Variants in RPS5 observed in about 807,000 individuals in gnomAD.
The protein encoded by RPS5 is small ribosomal subunit protein uS7.
RPS5 carries 2 observed loss-of-function variants against 20.9 expected under a neutral mutation model. That is an observed-to-expected ratio of 0.10 (90% CI 0.04 to 0.30). The LOEUF (loss-of-function observed/expected upper bound fraction) is 0.30, where lower values mean the gene tolerates loss of function less well. RPS5 is among the 10% of genes least tolerant of loss of function. The probability of loss-of-function intolerance (pLI) is 1.00; values close to 1 mark genes in which losing one functional copy is unlikely to be tolerated. For synonymous variants in RPS5, 112 were observed against 105.8 expected, an observed-to-expected ratio of 1.06 and a Z score of -0.36; for missense variants, 122 against 287.2, an observed-to-expected ratio of 0.42 and a Z score of 4.16.
rs544353805 is a variant in RPS5 at position 58,390,263 on chromosome 19, G to A, written c.108+2018G>A. Among the ~76,000 whole-genome samples, 20 of 149,664 alleles carry A rather than the reference G, an allele frequency of 1.3e-4. 1 individual carries two copies. In the South Asian group the frequency reaches 1.9e-3, roughly 14 times the overall value. ...GGCTGGAGTGCAGTGGTGCGATCTC[G>A]GCTCACTGCAACCTCTGCCTCCCCA... On this transcript the variant is annotated intron_variant, in intron 2 of 5. Transcript: ENST00000196551.
At chr19:58,389,569 C>T (rs988473375) in intron 2 of RPS5, among the ~76,000 whole-genome samples, 10 of 151,642 alleles carry the variant, frequency 6.6e-5, no homozygotes, top group Non-Finnish European at 1.2e-4. Flanking sequence ...CTTTTCTTTC[C>T]TTCAGGGGTT....
chr19:58,392,559 A>G (rs2052370648), intron 2 of RPS5, among the ~76,000 whole-genome samples: 2 of 151,722 alleles, frequency 1.3e-5, no homozygotes, highest in Admixed American at 1.3e-4. Context: ...TCGGAGTCGT[A>G]GGTTGCAGTG....
At chr19:58,387,951 A>G in intron 1 of RPS5, 186 bp from the exon 2 acceptor site, 1 of 592,384 alleles carries the variant, frequency 1.7e-6, no homozygotes, top group Admixed American at 2.9e-5. Flanking sequence ...TGAAAGACAG[A>G]TGCTTCTTGC....
intron 3 of RPS5, 39 bp from the exon 4 acceptor site, chr19:58,393,320 T>C (rs1322703816): frequency 6.2e-7 from 1 of 1,609,956 alleles, no homozygotes; most frequent in Admixed American, 1.7e-5. Flanking sequence ...GAGGAATGCA[T>C]GGGGCTGGAT....
chr19:58,393,276 T>C, intron 3 of RPS5, 83 bp from the exon 4 acceptor site: 1 of 1,608,932 alleles, frequency 6.2e-7, no homozygotes, highest in East Asian at 2.2e-5. Context: ...CCCTGTGTGG[T>C]GTGGTCACTC....
rs1223834071 is a variant in RPS5 at position 58,393,125 on chromosome 19, G to A, written c.258G>A (p.Lys86=). 1.9e-6 allele frequency: 3 copies of A among 1,614,136 alleles called. No homozygotes were observed. Among genetic ancestry groups the A allele is most frequent in the African/African-American group, 1.3e-5 (1 of 74,954 alleles). Residue 86 remains lysine (K), a synonymous_variant, in exon 3 of 6, where the codon AAG becomes AAA. Transcript: ENST00000196551. ...MMMHGRNNGK[K]LMTVRIVKHA... ...TGCACGGCCGCAACAACGGCAAGAA[G>A]CTCATGACTGTGCGCATCGTCAAGC...
At position 58,393,676 on chromosome 19, in the gene RPS5, A is replaced by G. The variant is rs1599935166; in HGVS notation, c.447+189A>G. On this transcript the variant is annotated intron_variant, in intron 4 of 5. Transcript: ENST00000196551. ...GGCTCTGGGTCCTCTTCGGGAACAC[A>G]TTTGGCAGAGGTCTTCTTTCTTTCC... The G allele has an allele frequency of 4.6e-6, 3 of 645,578 alleles. No individual in the cohort carries two copies. In the South Asian group the frequency reaches 6.4e-5, roughly 14 times the overall value. The allele number at this position is 645,578 out of a possible 1,614,324, so 40.0% of individuals were successfully genotyped here.
intron 2 of RPS5, 76 bp from the exon 3 acceptor site, chr19:58,392,900 T>C: frequency 7.2e-7 from 1 of 1,391,426 alleles, no homozygotes; most frequent in Non-Finnish European, 1.0e-6. Context: ...GTACTTGATC[T>C]CTCCTCTGGT....
At chr19:58,391,116 A>G (rs1469990398) in intron 2 of RPS5, among the ~76,000 whole-genome samples, 1 of 152,168 alleles carries the variant, frequency 6.6e-6, no homozygotes, top group African/African-American at 2.4e-5. Context: ...ATGGCTATGT[A>G]AGTATAAGAA....
rs2052374342 is a variant in RPS5 at position 58,393,089 on chromosome 19, C to T, written c.222C>T (p.Asn74=). The part of the protein sequence containing the change: ...AQCPIVERLT[N]SMMMHGRNNG... ...GTCCCATTGTGGAGCGCCTCACTAA[C>T]TCCATGATGATGCACGGCCGCAACA... The change falls in exon 3 of 6, where the codon AAC becomes AAT. Residue 74 remains asparagine (N), a synonymous_variant. Transcript: ENST00000196551. 1 of 1,614,142 alleles carries T rather than the reference C, an allele frequency of 6.2e-7. No individual in the cohort carries two copies. Among genetic ancestry groups the T allele is most frequent in the South Asian group, 1.1e-5 (1 of 91,094 alleles).
Position 58,393,479 on chromosome 19 carries a change from G to A in RPS5, c.439G>A (p.Val147Met). ...TGTGGATGTGTCCCCCCTGCGCCGT[G>A]TGAACCAGGTGAGCCTGGGGCTTAT... ...QAVDVSPLRR[V>M]NQAIWLLCTG... The change falls in exon 4 of 6, where the codon GTG (valine) becomes ATG (methionine). Residue 147 changes from valine to methionine, a missense_variant. By Grantham distance (21) the Val-to-Met change is conservative. Coordinates refer to ENST00000196551, the MANE Select transcript of RPS5 (RefSeq NM_001009.4). 6.2e-7 allele frequency: 1 copy of A among 1,611,042 alleles called. No individual in the cohort carries two copies. The highest frequency in any genetic ancestry group is 1.1e-5 in the South Asian group (1 of 91,048).
chr19:58,390,063 T>C (rs1277417883), intron 2 of RPS5, among the ~76,000 whole-genome samples: 1 of 151,734 alleles, frequency 6.6e-6, no homozygotes, highest in Non-Finnish European at 1.5e-5. Context: ...CCCAGCTAAT[T>C]TTTTTATTTT....
rs267605739 is a variant in RPS5 at position 58,393,401 on chromosome 19, C to T, written c.361C>T (p.Pro121Ser). The change falls in exon 4 of 6, where the codon CCC (proline) becomes TCC (serine). Residue 121 changes from proline (P) to serine (S), a missense_variant. Around this residue, in one of 6 missense-constraint regions of RPS5, gnomAD observed 10 missense variants for 52.0 expected, o/e 0.19. Transcript: ENST00000196551. ...VLVNAIINSG[P>S]REDSTRIGRA... ...GGTGAACGCCATCATCAACAGTGGT[C>T]CCCGGGAGGACTCCACACGCATTGG... The T allele has an allele frequency of 6.2e-7, 1 of 1,613,646 alleles. No individual in the cohort carries two copies. Among genetic ancestry groups the T allele is most frequent in the Non-Finnish European group, 8.5e-7 (1 of 1,180,044 alleles).
At position 58,387,321 on chromosome 19, in the gene RPS5, G is replaced by C. The variant is rs1469611083; in HGVS notation, c.-20G>C. 2.0e-5 allele frequency: 3 copies of C among 152,274 alleles called. No individual in the cohort carries two copies. 9.4% of individuals were successfully genotyped at this position (152,274 alleles called of 1,614,324 possible). A position where few individuals can be genotyped will look rare whatever the true frequency, so the allele number is the denominator to read the frequency against. ...GTGGTCTACGCCGAGTGACAGAGAC[G>C]CTCAGGCTGTGTTCTCAGGTGAGAC... On this transcript the variant is annotated 5_prime_UTR_variant, in exon 1 of 6. Coordinates refer to ENST00000196551, the MANE Select transcript of RPS5 (RefSeq NM_001009.4).
intron 2 of RPS5, chr19:58,388,642 T>G (rs2122156157): frequency 6.4e-5 from 9 of 141,086 alleles, no homozygotes; most frequent in Non-Finnish European, 6.5e-5. Flanking sequence ...CGTAGTTTTT[T>G]TTTTTTTTTT....
At chr19:58,389,636 T>C (rs1324703728) in intron 2 of RPS5, among the ~76,000 whole-genome samples, 4 of 152,074 alleles carry the variant, frequency 2.6e-5, no homozygotes, top group African/African-American at 4.8e-5. Context: ...GTTTGTTTAT[T>C]TATTTATTTA....
At position 58,390,466 on chromosome 19, in the gene RPS5, C is replaced by T. The variant is rs1236893182; in HGVS notation, c.108+2221C>T. ...TTTTTTTTTTTTTTTGAGATGGAGT[C>T]GCTCTGTCACCCAGGCTGGAGTGCA... On this transcript the variant is annotated intron_variant, in intron 2 of 5. Coordinates refer to ENST00000196551, the MANE Select transcript of RPS5 (RefSeq NM_001009.4). Among the ~76,000 whole-genome samples, 5 of 109,588 alleles carry T rather than the reference C, an allele frequency of 4.6e-5. No individual in the cohort carries two copies. In the East Asian group the frequency reaches 9.5e-4, roughly 21 times the overall value. 71.9% of individuals were successfully genotyped at this position (109,588 alleles called of 152,430 possible).
intron 2 of RPS5, among the ~76,000 whole-genome samples, chr19:58,389,284 A>T (rs1340778941): frequency 6.6e-6 from 1 of 151,938 alleles, no homozygotes; most frequent in Non-Finnish European, 1.5e-5. Context: ...TTAAAGTTTT[A>T]TCTTTGAGAT....
In RPS5 at chr19:58,393,668, G is replaced by C. The variant is rs1305383279; in HGVS notation, c.447+181G>C. 4.3e-6 allele frequency: 3 copies of C among 691,884 alleles called. 1 individual carries two copies. Among genetic ancestry groups the C allele is most frequent in the South Asian group, 4.1e-5 (2 of 49,294 alleles). 42.9% of individuals were successfully genotyped at this position (691,884 alleles called of 1,614,324 possible). ...CTGATCCAGGCTCTGGGTCCTCTTC[G>C]GGAACACATTTGGCAGAGGTCTTCT... On this transcript the variant is annotated intron_variant, in intron 4 of 5. Transcript: ENST00000196551.
Sources: allele counts gnomAD v4.1 joint callset (sites outside exome capture counted in the v4.1 genomes callset), GRCh38; gene constraint gnomAD v4.1.1; regional missense constraint gnomAD v4.1.1; transcripts MANE v1.5; gene names NCBI Gene and HGNC (gene_info 2026-07-23, HGNC 2026-07-21).